The following RPS6KA3 variants were observed in gnomAD, a reference collection of about 807,000 sequenced individuals.
RPS6KA3 encodes ribosomal protein S6 kinase A3, also known as ribosomal protein S6 kinase alpha-3.
Under a neutral mutation model 67.2 loss-of-function variants are expected in RPS6KA3, and 4 were observed. The ratio of observed to expected loss-of-function variants is 0.06; its 90% CI spans 0.03 to 0.14. The LOEUF is 0.14. Ranked by LOEUF, RPS6KA3 falls within the 10% of genes least tolerant of loss-of-function variation. The pLI is 1.00. For synonymous variants in RPS6KA3, 182 were observed against 183.7 expected (o/e 0.99, Z 0.07); for missense variants, 204 against 559.0 (o/e 0.36, Z 6.40).
rs778818725 is a variant in RPS6KA3, at chrX:20,251,432, C to T, written c.69+15132G>A. Among the ~76,000 whole-genome samples, 3 of 112,786 alleles carry T rather than the reference C, an allele frequency of 2.7e-5. No individual in the cohort carries two copies. In the East Asian group the frequency reaches 8.4e-4, roughly 31 times the overall value. The stretch of plus-strand genomic sequence containing the variant: ...GCTGGGATTATAGGCGTAAGCCCCT[C>T]AAAGTGCTGGGATTACAGGCGTAAG... On this transcript the variant is annotated intron_variant, in intron 1 of 21. Transcript: ENST00000379565.
At chrX:20,225,255 G>C (rs199880809) in intron 2 of RPS6KA3, among the ~76,000 whole-genome samples, 1 of 69,692 alleles carries the variant, frequency 1.4e-5, no homozygotes, top group Non-Finnish European at 2.9e-5. Flanking sequence ...TTTTTTTTTT[G>C]TTTTTTTTTT....
chrX:20,200,958 T>C (rs962862234), intron 4 of RPS6KA3, among the ~76,000 whole-genome samples: 8 of 108,681 alleles, frequency 7.4e-5, no homozygotes, highest in Non-Finnish European at 1.5e-4. Flanking sequence ...GCTGAAATTA[T>C]AGGAATGAGC....
chrX:20,168,678 T>C (rs1304288280), intron 16 of RPS6KA3, among the ~76,000 whole-genome samples: 1 of 112,040 alleles, frequency 8.9e-6, no homozygotes, highest in African/African-American at 3.3e-5. Context: ...AGGTAAGTGT[T>C]CAAGTAAGTG....
intron 4 of RPS6KA3, 55 bp downstream of exon 4, chrX:20,203,967 A>C: frequency 1.1e-6 from 1 of 891,781 alleles, no homozygotes; most frequent in Admixed American, 2.2e-5. Context: ...AGCTCTATTG[A>C]GACCTTTCAG....
chrX:20,183,454 C>CA (rs1478642251), intron 10 of RPS6KA3, among the ~76,000 whole-genome samples: 2 of 111,480 alleles, frequency 1.8e-5, no homozygotes, highest in Admixed American at 9.6e-5. Flanking sequence ...AGGTGTGAGC[C>CA]ACCACTCCCT....
intron 10 of RPS6KA3, among the ~76,000 whole-genome samples, chrX:20,186,062 C>A (rs963737334): frequency 1.8e-5 from 2 of 110,671 alleles, no homozygotes; most frequent in African/African-American, 6.7e-5. Context: ...ACCTCAGCCT[C>A]CTGAGTACTG....
chrX:20,208,672 C>T (rs1402088911), intron 3 of RPS6KA3, among the ~76,000 whole-genome samples: 1 of 111,559 alleles, frequency 9.0e-6, no homozygotes, highest in African/African-American at 3.3e-5. Flanking sequence ...GAGCCGAGAT[C>T]ATGCCACTGT....
intron 2 of RPS6KA3, among the ~76,000 whole-genome samples, chrX:20,220,889 T>C (rs926805125): frequency 8.9e-6 from 1 of 111,962 alleles, no homozygotes; most frequent in Non-Finnish European, 1.9e-5. Context: ...TATGGCTACC[T>C]GTTTGGAGAA....
intron 10 of RPS6KA3, among the ~76,000 whole-genome samples, chrX:20,181,705 T>C (rs1308734867): frequency 2.7e-5 from 3 of 111,479 alleles, no homozygotes; most frequent in African/African-American, 9.8e-5. Flanking sequence ...GAGTCATCCT[T>C]TTGACAACCT....
intron 15 of RPS6KA3, among the ~76,000 whole-genome samples, chrX:20,171,059 G>A (rs751487255): frequency 8.9e-6 from 1 of 112,109 alleles, no homozygotes; most frequent in East Asian, 2.8e-4. Flanking sequence ...GATTACAAAC[G>A]TGAGACACTA....
intron 4 of RPS6KA3, among the ~76,000 whole-genome samples, chrX:20,201,338 T>A (rs1191402213): frequency 9.0e-6 from 1 of 110,593 alleles, no homozygotes; most frequent in African/African-American, 3.3e-5. Flanking sequence ...AGGGTCTTGC[T>A]ATATTGCCCT....
At chrX:20,162,512 C>T (rs938930758) in intron 19 of RPS6KA3, among the ~76,000 whole-genome samples, 5 of 106,077 alleles carry the variant, frequency 4.7e-5, no homozygotes. Flanking sequence ...CACGAGAAAA[C>T]ATGGAAAGAT....
At chrX:20,174,713 A>G (rs2067657911) in intron 14 of RPS6KA3, among the ~76,000 whole-genome samples, 1 of 110,963 alleles carries the variant, frequency 9.0e-6, no homozygotes, top group Non-Finnish European at 1.9e-5. Flanking sequence ...TCGATGACAT[A>G]TGAAAAAAAT....
chrX:20,185,499 C>T (rs965354005), intron 10 of RPS6KA3, among the ~76,000 whole-genome samples: 1 of 111,040 alleles, frequency 9.0e-6, no homozygotes, highest in Non-Finnish European at 1.9e-5. Context: ...TAGCCCCCAT[C>T]TGCCACCCCA....
chrX:20,180,335 C>T (rs1177416384), intron 10 of RPS6KA3, among the ~76,000 whole-genome samples: 1 of 110,717 alleles, frequency 9.0e-6, no homozygotes, highest in Non-Finnish European at 1.9e-5. Flanking sequence ...GTGAAATAAT[C>T]TTGCTAAAAC....
intron 1 of RPS6KA3, among the ~76,000 whole-genome samples, chrX:20,245,752 T>C (rs2069668942): frequency 9.0e-6 from 1 of 111,529 alleles, no homozygotes; most frequent in Non-Finnish European, 1.9e-5. Context: ...CAACACTGAA[T>C]CAGAATTCCC....
At chrX:20,212,454 C>T (rs2068740453) in intron 2 of RPS6KA3, among the ~76,000 whole-genome samples, 2 of 111,264 alleles carry the variant, frequency 1.8e-5, no homozygotes, top group Admixed American at 9.5e-5. Flanking sequence ...GCCAAGATCA[C>T]GCCACTGCAC....
intron 1 of RPS6KA3, among the ~76,000 whole-genome samples, chrX:20,258,175 C>G (rs191047628): frequency 1.8e-5 from 2 of 111,916 alleles, no homozygotes; most frequent in Non-Finnish European, 3.8e-5. Flanking sequence ...CCAATAGCCA[C>G]TGGTGACTAT....
At chrX:20,232,513 A>G (rs1321380364) in intron 2 of RPS6KA3, among the ~76,000 whole-genome samples, 1 of 111,181 alleles carries the variant, frequency 9.0e-6, no homozygotes, top group Non-Finnish European at 1.9e-5. Context: ...CAGAGGCTGC[A>G]GTGAGCCGAG....
Sources: gnomAD v4.1 joint callset for allele counts (sites outside exome capture counted in the v4.1 genomes callset) on GRCh38, gnomAD v4.1.1 for gene constraint, MANE v1.5 for transcripts, NCBI Gene and HGNC (gene_info 2026-07-23, HGNC 2026-07-21) for gene names.